PRKAR2A: variants seen among roughly 807,000 people sequenced by gnomAD.
PRKAR2A encodes the protein protein kinase cAMP-dependent type II regulatory subunit alpha, also known as cAMP-dependent protein kinase type II-alpha regulatory subunit.
A neutral mutation model predicts 51.9 loss-of-function variants in PRKAR2A; 29 were observed. The ratio of observed to expected loss-of-function variants is 0.56; its 90% confidence interval spans 0.42 to 0.76. PRKAR2A has a LOEUF of 0.76. Among genes scored for constraint, PRKAR2A ranks in the 30% least tolerant of loss-of-function variants. PRKAR2A has a pLI of 0.00. For missense variants in PRKAR2A, 445 were observed against 512.1 expected, an observed-to-expected ratio of 0.87 and a Z score of 1.26; for synonymous variants, 178 against 186.2, an observed-to-expected ratio of 0.96 and a Z score of 0.36.
chr3:48,806,589 A>T (rs530145186), intron 2 of PRKAR2A, among the ~76,000 whole-genome samples: 105 of 152,102 alleles, frequency 6.9e-4, no homozygotes, highest in African/African-American at 2.3e-3. Flanking sequence ...TAACTCAATT[A>T]AAAAAATAGC....
chr3:48,807,621 GAAGT>G (rs2082692913), intron 2 of PRKAR2A, 24 bp downstream of exon 2: 9 of 1,487,642 alleles, frequency 6.0e-6, no homozygotes, highest in Non-Finnish European at 8.4e-6. Context: ...TAACATTTTA[GAAGT>G]ATGTTATGAA....
intron 1 of PRKAR2A, among the ~76,000 whole-genome samples, chr3:48,839,537 AG>A (rs1180012449): frequency 6.6e-6 from 1 of 152,106 alleles, no homozygotes; most frequent in African/African-American, 2.4e-5. Context: ...TATACTCTTC[AG>A]GCATCTCTCA....
At chr3:48,846,510 C>T (rs1248183214) in intron 1 of PRKAR2A, among the ~76,000 whole-genome samples, 3 of 152,342 alleles carry the variant, frequency 2.0e-5, no homozygotes. Context: ...ACCCACCACG[C>T]CCGGCCAGGT....
intron 4 of PRKAR2A, among the ~76,000 whole-genome samples, chr3:48,785,258 ATTTT>A (rs1198962303): frequency 8.1e-6 from 1 of 123,872 alleles, no homozygotes; most frequent in Non-Finnish European, 1.7e-5. Context: ...GGCCTGGATA[ATTTT>A]TTTTTTTTTT....
chr3:48,786,281 T>C (rs1178668557), intron 4 of PRKAR2A, among the ~76,000 whole-genome samples: 3 of 150,842 alleles, frequency 2.0e-5, no homozygotes, highest in Admixed American at 6.6e-5. Context: ...TGTGCCACCA[T>C]GCCCAGCTAA....
At chr3:48,758,568 G>A (rs1415325574) in intron 8 of PRKAR2A, among the ~76,000 whole-genome samples, 1 of 137,770 alleles carries the variant, frequency 7.3e-6, no homozygotes, top group African/African-American at 2.7e-5. Flanking sequence ...GGGCGACAGA[G>A]CAAGACTGTC....
rs1185345523 is a variant in PRKAR2A, at chr3:48,764,929, G to GT, written c.873+74dup. ...CGTGAGCCACTGCGTCCGGCAAGAA[G>GT]TTTTTGAGATAAATGATGTACTAGT... On this transcript the variant is annotated intron_variant, in intron 8 of 10. Transcript: ENST00000265563. 140 of 1,393,546 alleles carry GT rather than the reference G, an allele frequency of 1.0e-4. 2 individuals carry two copies. The Admixed American group carries it at 2.5e-3, about 24-fold the overall frequency. The allele number at this position is 1,393,546 out of a possible 1,614,324, so 86.3% of individuals were successfully genotyped here.
chr3:48,773,112 G>T lies in PRKAR2A; in HGVS notation c.543-4C>A, dbSNP rs764881380. ...TACTAAAATGTCATAAGTTCCCCTA[G>T]AAGAATGACAAAGAATAATTTAATT... On this transcript the variant is annotated splice_region_variant and splice_polypyrimidine_tract_variant and intron_variant, in intron 5 of 10. Transcript: ENST00000265563. 2.5e-6 allele frequency: 4 copies of T among 1,596,030 alleles called. No individual in the cohort carries two copies. The highest frequency in any genetic ancestry group is 3.4e-6 in the Non-Finnish European group (4 of 1,167,062).
chr3:48,785,822 C>G (rs183957885), intron 4 of PRKAR2A, among the ~76,000 whole-genome samples: 10 of 152,244 alleles, frequency 6.6e-5, no homozygotes, highest in African/African-American at 2.4e-4. Context: ...TTTCTCTGTA[C>G]ATAAACTTGC....
At chr3:48,772,200 GC>G (rs1381257431) in intron 6 of PRKAR2A, among the ~76,000 whole-genome samples, 1 of 152,102 alleles carries the variant, frequency 6.6e-6, no homozygotes, top group Non-Finnish European at 1.5e-5. Flanking sequence ...ATGGAATAGG[GC>G]TATTCCATCT....
Position 48,794,159 on chromosome 3 carries a change from T to C in PRKAR2A, c.299-110A>G, listed in dbSNP as rs367562730. On this transcript the variant is annotated intron_variant, in intron 2 of 10. Transcript: ENST00000265563. ...TTTATTCACTGTTTTCTTTTCTTTT[T>C]TTTTTTTTTGAGACAGAGTTTTGCT... 6.3e-5 allele frequency: 55 copies of C among 877,938 alleles called. 1 individual carries two copies. The African/African-American group carries it at 6.7e-4, about 11-fold the overall frequency. The allele number at this position is 877,938 out of a possible 1,614,324, so 54.4% of individuals were successfully genotyped here.
chr3:48,846,617 G>C (rs2083466974), intron 1 of PRKAR2A, among the ~76,000 whole-genome samples: 1 of 152,200 alleles, frequency 6.6e-6, no homozygotes, highest in African/African-American at 2.4e-5. Context: ...CTCCAGAGTA[G>C]CTGGTATAGA....
In PRKAR2A at chr3:48,767,662, C is replaced by T. The variant is rs111567452; in HGVS notation, c.697-2313G>A. On this transcript the variant is annotated intron_variant, in intron 6 of 10. Coordinates refer to ENST00000265563, the MANE Select transcript of PRKAR2A (RefSeq NM_004157.4). ...AAAACAGGCTGGACGCAGTGGCTCA[C>T]ACCTATAATCCCAGCACTTTGGGAG... 4.8e-3 allele frequency among the ~76,000 whole-genome samples: 724 copies of T among 152,198 alleles called. 5 individuals carry two copies. The highest frequency in any genetic ancestry group is 0.017 in the Middle Eastern group (5 of 294).
Position 48,752,916 on chromosome 3 carries a change from CTTTTTTTTTTTTTTTTTT to C in PRKAR2A, c.940-617_940-600del, listed in dbSNP as rs59163654. 3.2e-4 allele frequency among the ~76,000 whole-genome samples: 15 copies of C among 47,542 alleles called. No homozygotes were observed. In the East Asian group the frequency reaches 4.0e-3, roughly 13 times the overall value. 31.2% of individuals were successfully genotyped at this position (47,542 alleles called of 152,430 possible). On this transcript the variant is annotated intron_variant, in intron 9 of 10. Coordinates refer to ENST00000265563, the MANE Select transcript of PRKAR2A (RefSeq NM_004157.4). ...ACCTTAAGTTAGTGGTTCCCTCCTC[CTTTTTTTTTTTTTTTTTT>C]TTTTTTTTTTTTTTTTGAGATGGAG...
intron 1 of PRKAR2A, among the ~76,000 whole-genome samples, chr3:48,838,094 C>T (rs1160219218): frequency 1.3e-5 from 2 of 152,192 alleles, no homozygotes; most frequent in South Asian, 2.1e-4. Flanking sequence ...AGGAGAATGG[C>T]GTGAACCCAG....
intron 2 of PRKAR2A, among the ~76,000 whole-genome samples, chr3:48,795,259 C>T (rs2082472343): frequency 6.6e-6 from 1 of 152,056 alleles, no homozygotes; most frequent in African/African-American, 2.4e-5. Context: ...AGGCGTGAGC[C>T]ACCGCGACTA....
chr3:48,769,734 C>T (rs1385437411), intron 6 of PRKAR2A, among the ~76,000 whole-genome samples: 2 of 152,008 alleles, frequency 1.3e-5, no homozygotes, highest in African/African-American at 4.8e-5. Flanking sequence ...ACCTTGGCCT[C>T]CGAAGTGCTG....
At chr3:48,837,554 G>A (rs2083304779) in intron 1 of PRKAR2A, among the ~76,000 whole-genome samples, 1 of 152,122 alleles carries the variant, frequency 6.6e-6, no homozygotes, top group Non-Finnish European at 1.5e-5. Context: ...TCCTCAAAAG[G>A]TTAAACAGAG....
chr3:48,775,126 A>T (rs2082086121), intron 5 of PRKAR2A, among the ~76,000 whole-genome samples: 1 of 152,116 alleles, frequency 6.6e-6, no homozygotes. Flanking sequence ...TTTCTTTCAT[A>T]GTCTGTTAAA....
Sources: gnomAD v4.1 joint callset for allele counts (sites outside exome capture counted in the v4.1 genomes callset) on GRCh38, gnomAD v4.1.1 for gene constraint, MANE v1.5 for transcripts, NCBI Gene and HGNC (gene_info 2026-07-23, HGNC 2026-07-21) for gene names.